FBLN1: variants seen among roughly 807,000 people sequenced by gnomAD.
FBLN1 encodes the protein fibulin-1.
A neutral mutation model predicts 89.7 loss-of-function variants in FBLN1; 34 were observed. That is an observed-to-expected ratio of 0.38 (90% CI 0.29 to 0.50). The LOEUF (loss-of-function observed/expected upper bound fraction) is 0.50, where lower values mean the gene tolerates loss of function less well. Ranked by LOEUF, FBLN1 falls within the 20% of genes least tolerant of loss-of-function variation. The probability of loss-of-function intolerance (pLI) is 0.92; values close to 1 mark genes in which losing one functional copy is unlikely to be tolerated. For synonymous variants in FBLN1, 393 were observed against 391.3 expected, an observed-to-expected ratio of 1.00 and a Z score of -0.05; for missense variants, 777 against 988.1, an observed-to-expected ratio of 0.79 and a Z score of 2.86.
intron 14 of FBLN1, chr22:45,564,867 G>A (rs1186819700): frequency 6.2e-7 from 1 of 1,613,538 alleles, no homozygotes; most frequent in East Asian, 2.2e-5. Context: ...GTGACACTGT[G>A]CTGACACTGT....
intron 1 of FBLN1, among the ~76,000 whole-genome samples, chr22:45,511,535 C>T (rs1191253024): frequency 1.3e-5 from 2 of 151,612 alleles, no homozygotes; most frequent in East Asian, 3.9e-4. Context: ...CAACCTCTGC[C>T]TCCCGGGTTC....
chr22:45,518,388 G>A (rs2088199460), intron 1 of FBLN1, among the ~76,000 whole-genome samples: 1 of 152,178 alleles, frequency 6.6e-6, no homozygotes, highest in South Asian at 2.1e-4. Flanking sequence ...GCATGTGGCT[G>A]GAGCAGGGAT....
chr22:45,586,105 A>C (rs2089083342), intron 16 of FBLN1, among the ~76,000 whole-genome samples: 2 of 152,306 alleles, frequency 1.3e-5, no homozygotes, highest in South Asian at 4.1e-4. Context: ...CCAGTCCCGG[A>C]AACCTCCCTG....
In FBLN1 at chr22:45,577,039, G is replaced by A. The variant is rs1310385731; in HGVS notation, c.1903G>A (p.Asp635Asn). ...TGCCAGCCAGGCTAACATCATCTTC[G>A]ACATCACGGAAGGGAACCTGCGGGA... is the stretch of plus-strand genomic sequence containing the variant. The part of the protein sequence containing the change: ...HPASQANIIF[D>N]ITEGNLRDSF... The change falls in exon 16 of 17, where the codon GAC becomes AAC. Residue 635 changes from aspartate to asparagine, a missense_variant. Physicochemically the swap from Asp to Asn is conservative, Grantham distance 23. Transcript: ENST00000327858. This position sits in a 1 kb window ranked among gnomAD's most constrained non-coding sequence, Gnocchi z 6.6. The A allele has an allele frequency of 3.7e-6, 6 of 1,614,080 alleles. No individual in the cohort carries two copies. The highest frequency in any genetic ancestry group is 1.3e-5 in the African/African-American group (1 of 75,010).
At position 45,530,238 on chromosome 22, in the gene FBLN1, G is replaced by A. The variant is rs1383713236; in HGVS notation, c.485-1027G>A. On this transcript the variant is annotated intron_variant, in intron 4 of 16. Coordinates refer to ENST00000327858, the MANE Select transcript of FBLN1 (RefSeq NM_006486.3). The surrounding 1 kb of genome is among the most constrained non-coding windows in gnomAD (Gnocchi z 5.4). Reference sequence around the variant, plus strand: ...CTTTAAACAAACCCAAACCATTCCTGCTGGTGGAGGATTTCTCCTGCATCT... The same window carrying A: ...CTTTAAACAAACCCAAACCATTCCTACTGGTGGAGGATTTCTCCTGCATCT... Among the ~76,000 whole-genome samples the A allele has an allele frequency of 1.3e-5, 2 of 151,812 alleles. No individual in the cohort carries two copies. Among genetic ancestry groups the A allele is most frequent in the Admixed American group, 1.3e-4 (2 of 15,230 alleles).
rs560599236 is a variant in FBLN1 at position 45,553,529 on chromosome 22, TC to T, written c.1697+2915del. ...AGGCAGTTTGCCAGACAGTTATGTT[TC>T]TGGTGTTTTAAAAAGTTTGAGTAGA... On this transcript the variant is annotated intron_variant, in intron 14 of 16. Transcript: ENST00000327858. Among the ~76,000 whole-genome samples, 10 of 152,350 alleles carry T rather than the reference TC, an allele frequency of 6.6e-5. No homozygotes were observed. In the South Asian group the frequency reaches 2.1e-3, roughly 32 times the overall value.
intron 2 of FBLN1, 48 bp from the exon 3 acceptor site, chr22:45,525,495 G>T: frequency 6.5e-7 from 1 of 1,544,514 alleles, no homozygotes; most frequent in South Asian, 1.2e-5. Flanking sequence ...CTCGTGCCCT[G>T]GGCCCCCTGC....
At chr22:45,570,318 TCAAA>T (rs2088940258) in intron 14 of FBLN1, among the ~76,000 whole-genome samples, 1 of 16,442 alleles carries the variant, frequency 6.1e-5, no homozygotes, top group African/African-American at 3.3e-4. Flanking sequence ...AGACTCTGTC[TCAAA>T]AAAAAAAAAA....
At chr22:45,594,185 TC>T (rs1394839760) in intron 16 of FBLN1, among the ~76,000 whole-genome samples, 3 of 152,196 alleles carry the variant, frequency 2.0e-5, no homozygotes, top group South Asian at 2.1e-4. Context: ...CAGCGAGTGT[TC>T]CTTGCTACTT....
rs963168434 is a variant in FBLN1, at chr22:45,549,017, C to G, written c.1573+273C>G. On this transcript the variant is annotated intron_variant, in intron 13 of 16. Transcript: ENST00000327858. The surrounding 1 kb of genome is among the most constrained non-coding windows in gnomAD (Gnocchi z 5.7). Reference sequence around the variant, plus strand: ...CGGCAGGAACACTTCAGCCCTCCTCCCCTCCCCTCAGCAGCCCCGTAAAGG... The same window carrying G: ...CGGCAGGAACACTTCAGCCCTCCTCGCCTCCCCTCAGCAGCCCCGTAAAGG... 6.6e-6 allele frequency among the ~76,000 whole-genome samples: 1 copy of G among 152,210 alleles called. No homozygotes were observed. Among genetic ancestry groups the G allele is most frequent in the Non-Finnish European group, 1.5e-5 (1 of 68,030 alleles).
rs2088411920 is a variant in FBLN1 at position 45,531,782 on chromosome 22, G to A, written c.544+458G>A. ...CTGGTGAGGCCCTGCTGGGGAGGGT[G>A]GCCCAGGCCCAGGGCCAGAGCTGGT... On this transcript the variant is annotated intron_variant, in intron 5 of 16. Coordinates refer to ENST00000327858, the MANE Select transcript of FBLN1 (RefSeq NM_006486.3). The surrounding 1 kb of genome is among the most constrained non-coding windows in gnomAD (Gnocchi z 4.9). Among the ~76,000 whole-genome samples, 4 of 152,152 alleles carry A rather than the reference G, an allele frequency of 2.6e-5. No individual in the cohort carries two copies. The South Asian group carries it at 8.3e-4, about 32-fold the overall frequency.
intron 16 of FBLN1, among the ~76,000 whole-genome samples, chr22:45,584,265 C>G (rs767557722): frequency 1.3e-5 from 2 of 152,270 alleles, no homozygotes; most frequent in South Asian, 2.1e-4. Context: ...TGTGCTGAGT[C>G]GTGGGAGCCT....
intron 14 of FBLN1, among the ~76,000 whole-genome samples, chr22:45,566,920 T>C (rs966922631): frequency 3.3e-5 from 5 of 152,228 alleles, no homozygotes; most frequent in African/African-American, 4.8e-5. Flanking sequence ...AGCTAACACA[T>C]AGAGTGCTGA....
chr22:45,536,973 T>A lies in FBLN1; in HGVS notation c.922+1636T>A, dbSNP rs2088490861. The stretch of plus-strand genomic sequence containing the variant: ...TGAGTCCTGCTTTCCCCAGCCGTTG[T>A]CAGGTTAACTGCCTGGCTAGGCCGC... On this transcript the variant is annotated intron_variant, in intron 8 of 16. Coordinates refer to ENST00000327858, the MANE Select transcript of FBLN1 (RefSeq NM_006486.3). The surrounding 1 kb of genome is among the most constrained non-coding windows in gnomAD (Gnocchi z 5.1). 6.6e-6 allele frequency among the ~76,000 whole-genome samples: 1 copy of A among 152,204 alleles called. No individual in the cohort carries two copies. Among genetic ancestry groups the A allele is most frequent in the East Asian group, 1.9e-4 (1 of 5,190 alleles).
In FBLN1 at chr22:45,550,652, T is replaced by C. The variant is rs2088690265; in HGVS notation, c.1697+37T>C. Reference sequence around the variant, plus strand: ...GGACCATGCCATCGTCGTCTGTCTGTGTTGGCCTTCCTGGTGACCCAGTTC... The same window carrying C: ...GGACCATGCCATCGTCGTCTGTCTGCGTTGGCCTTCCTGGTGACCCAGTTC... On this transcript the variant is annotated intron_variant, in intron 14 of 16. Transcript: ENST00000327858. This position sits in a 1 kb window ranked among gnomAD's most constrained non-coding sequence, Gnocchi z 8.4. 6.2e-7 allele frequency: 1 copy of C among 1,613,776 alleles called. No individual in the cohort carries two copies. The highest frequency in any genetic ancestry group is 8.5e-7 in the Non-Finnish European group (1 of 1,180,014).
Position 45,518,631 on chromosome 22 carries a change from C to T in FBLN1, c.80-51C>T, listed in dbSNP as rs558080693. The T allele has an allele frequency of 1.3e-5, 18 of 1,413,816 alleles. No individual in the cohort carries two copies. The African/African-American group carries it at 2.4e-4, about 19-fold the overall frequency. 87.6% of individuals were successfully genotyped at this position (1,413,816 alleles called of 1,614,324 possible). On this transcript the variant is annotated intron_variant, in intron 1 of 16. Transcript: ENST00000327858. The stretch of plus-strand genomic sequence containing the variant: ...CTGGTGGTGCATCTGGGAGGGCCCT[C>T]CACCCGCTGAGTGGTGAGCCACCTC...
intron 11 of FBLN1, among the ~76,000 whole-genome samples, chr22:45,544,657 A>T (rs927051723): frequency 6.6e-6 from 1 of 152,230 alleles, no homozygotes; most frequent in Non-Finnish European, 1.5e-5. Flanking sequence ...GATCTTTCTC[A>T]GACAGGCATG....
rs773164006 is a variant in FBLN1 at position 45,525,615 on chromosome 22, C to T, written c.258C>T (p.Asn86=). The part of the protein sequence containing the change: ...LHCATGISLA[N]EQDRCATPHG... ...GTGCCACGGGCATCAGCCTGGCCAA[C>T]GAGCAGGACCGCTGTGCCACGCCCC... The change falls in exon 3 of 17, where the codon AAC becomes AAT. Residue 86 remains asparagine (N), a synonymous_variant. Transcript: ENST00000327858. 1.4e-5 allele frequency: 22 copies of T among 1,550,876 alleles called. No homozygotes were observed. The highest frequency in any genetic ancestry group is 1.4e-4 in the African/African-American group (10 of 73,064).
At position 45,532,171 on chromosome 22, in the gene FBLN1, T is replaced by G. The variant is rs1247899126; in HGVS notation, c.544+847T>G. Among the ~76,000 whole-genome samples the G allele has an allele frequency of 6.6e-6, 1 of 152,104 alleles. No individual in the cohort carries two copies. The highest frequency in any genetic ancestry group is 1.9e-4 in the East Asian group (1 of 5,192). ...TGATGCAGTCAGTGTACAGTGACAG[T>G]TGGTCCAGGGGCGCTGTCCAGGGGC... On this transcript the variant is annotated intron_variant, in intron 5 of 16. Transcript: ENST00000327858. The surrounding 1 kb of genome is among the most constrained non-coding windows in gnomAD (Gnocchi z 4.2).
Sources: gnomAD v4.1 joint callset for allele counts (sites outside exome capture counted in the v4.1 genomes callset) on GRCh38, gnomAD v4.1.1 for gene constraint, Gnocchi (gnomAD v3.1) non-coding constraint, MANE v1.5 for transcripts, NCBI Gene and HGNC (gene_info 2026-07-23, HGNC 2026-07-21) for gene names.